NUP210: variants seen among roughly 807,000 people sequenced by gnomAD.
NUP210 encodes nuclear pore membrane glycoprotein 210.
In NUP210, 151 loss-of-function variants were observed where a neutral mutation model predicts 196.0. The ratio of observed to expected loss-of-function variants is 0.77; its 90% CI spans 0.67 to 0.88. The LOEUF (loss-of-function observed/expected upper bound fraction) is 0.88, where lower values mean the gene tolerates loss of function less well. Ranked by LOEUF, NUP210 falls within the 40% of genes least tolerant of loss-of-function variation. The probability of loss-of-function intolerance (pLI) is 0.00; values close to 1 mark genes in which losing one functional copy is unlikely to be tolerated. For missense variants in NUP210, 2,314 were observed against 2,493.7 expected, an observed-to-expected ratio of 0.93 and a Z score of 1.53; for synonymous variants, 1,070 against 1,052.7, an observed-to-expected ratio of 1.02 and a Z score of -0.32.
At chr3:13,388,271 A>G in intron 5 of NUP210, 32 bp downstream of exon 5, 1 of 1,555,700 alleles carries the variant, frequency 6.4e-7, no homozygotes, top group South Asian at 1.2e-5. Context: ...CACCCCAGGA[A>G]GCCCACTGAC....
At chr3:13,341,329 A>G (rs958714173) in intron 23 of NUP210, among the ~76,000 whole-genome samples, 2 of 152,202 alleles carry the variant, frequency 1.3e-5, no homozygotes, top group African/African-American at 2.4e-5. Context: ...AGCCCCTGTG[A>G]CAGGTGCCCA....
At chr3:13,361,028 C>T (rs1422879848) in intron 14 of NUP210, among the ~76,000 whole-genome samples, 2 of 152,190 alleles carry the variant, frequency 1.3e-5, no homozygotes, top group Admixed American at 6.5e-5. Flanking sequence ...CTGATGGTGC[C>T]GTTTGATCAC....
chr3:13,349,007 A>T (rs979973117), intron 20 of NUP210, among the ~76,000 whole-genome samples: 3 of 152,222 alleles, frequency 2.0e-5, no homozygotes, highest in Non-Finnish European at 2.9e-5. Flanking sequence ...CACATCAAAA[A>T]ACAGCCGGAG....
intron 11 of NUP210, 79 bp from the exon 12 acceptor site, chr3:13,373,952 G>A (rs986370950): frequency 2.2e-5 from 33 of 1,470,448 alleles, no homozygotes; most frequent in South Asian, 1.1e-4. Flanking sequence ...AGACACGTGC[G>A]TGTGCATGCA....
Position 13,317,528 on chromosome 3 carries a change from A to G in NUP210, c.*153T>C. 1.5e-6 allele frequency: 1 copy of G among 647,968 alleles called. No homozygotes were observed. The highest frequency in any genetic ancestry group is 2.8e-6 in the Non-Finnish European group (1 of 361,238). The allele number at this position is 647,968 out of a possible 1,614,324, so 40.1% of individuals were successfully genotyped here. On this transcript the variant is annotated 3_prime_UTR_variant, in exon 40 of 40. Coordinates refer to ENST00000254508, the MANE Select transcript of NUP210 (RefSeq NM_024923.4). ...TGAGCTAATGGGCAGAGCCGAAACT[A>G]CAGCTCTGTGTGAAGAGACGGCAGT...
At chr3:13,318,036 G>A (rs1696344421) in intron 39 of NUP210, among the ~76,000 whole-genome samples, 1 of 152,166 alleles carries the variant, frequency 6.6e-6, no homozygotes, top group South Asian at 2.1e-4. Flanking sequence ...CAAGTTTCAG[G>A]ACCACAGCAG....
chr3:13,326,503 G>A (rs1417230787), intron 32 of NUP210, among the ~76,000 whole-genome samples: 3 of 151,870 alleles, frequency 2.0e-5, no homozygotes, highest in Admixed American at 2.0e-4. Context: ...CTTAAAGGTA[G>A]TATTTCATCT....
Position 13,328,889 on chromosome 3 carries a change from T to C in NUP210, c.4168A>G (p.Lys1390Glu). The C allele has an allele frequency of 6.2e-7, 1 of 1,614,046 alleles. No homozygotes were observed. The highest frequency in any genetic ancestry group is 8.5e-7 in the Non-Finnish European group (1 of 1,179,982). Residue 1390 changes from lysine to glutamate, a missense_variant, in exon 31 of 40, where the codon AAG becomes GAG. Transcript: ENST00000254508. ...SMSPVLHTQN[K>E]EALVAVPLGM... is the part of the protein sequence containing the mutation. The stretch of plus-strand genomic sequence containing the variant: ...AAAGGCACGGCCACCAGGGCCTCCT[T>C]GTTCTGGGTGTGCAGGACAGGGCTC...
intron 1 of NUP210, among the ~76,000 whole-genome samples, chr3:13,418,010 C>G (rs1033465659): frequency 7.2e-5 from 11 of 152,234 alleles, no homozygotes; most frequent in Admixed American, 6.5e-5. Context: ...AAGGGATTCA[C>G]TTGAAGCCAG....
At chr3:13,353,231 C>T (rs1698042846) in intron 18 of NUP210, among the ~76,000 whole-genome samples, 3 of 152,160 alleles carry the variant, frequency 2.0e-5, no homozygotes, top group Non-Finnish European at 4.4e-5. Flanking sequence ...GTTACAGTCC[C>T]ACCTTCTCCT....
intron 13 of NUP210, among the ~76,000 whole-genome samples, chr3:13,366,539 A>C (rs1205682764): frequency 8.1e-6 from 1 of 124,156 alleles, no homozygotes; most frequent in Non-Finnish European, 1.6e-5. Flanking sequence ...TTTTTTTGAG[A>C]TAGAGTCTCA....
intron 16 of NUP210, among the ~76,000 whole-genome samples, chr3:13,357,662 G>A (rs1423388886): frequency 6.6e-6 from 1 of 152,134 alleles, no homozygotes; most frequent in Non-Finnish European, 1.5e-5. Context: ...ACTAAGGCAT[G>A]GATGTGTCTC....
chr3:13,371,838 G>A lies in NUP210; in HGVS notation c.1782C>T (p.Leu594=). The change falls in exon 13 of 40, where the codon CTC becomes CTT. Residue 594 remains leucine, a synonymous_variant. Transcript: ENST00000254508. ...EVENQGVFQP[L]PGRLPPGSEH... ...TGCTCAGCAGCGCTGGTTTACCTGGGAGTGGCTGGAACACACCCTGGTTCT... is the reference window on the plus strand; with the variant it reads ...TGCTCAGCAGCGCTGGTTTACCTGGAAGTGGCTGGAACACACCCTGGTTCT... 6.2e-7 allele frequency: 1 copy of A among 1,605,286 alleles called. No individual in the cohort carries two copies. Among genetic ancestry groups the A allele is most frequent in the Non-Finnish European group, 8.5e-7 (1 of 1,176,624 alleles).
At chr3:13,328,741 T>C (rs780718469) in intron 31 of NUP210, 30 bp downstream of exon 31, 32 of 1,605,782 alleles carry the variant, frequency 2.0e-5, no homozygotes, top group Non-Finnish European at 2.6e-5. Flanking sequence ...CAGGACTTCA[T>C]AGGAGAAATG....
intron 1 of NUP210, among the ~76,000 whole-genome samples, chr3:13,400,318 C>A (rs1452435194): frequency 2.0e-5 from 3 of 152,172 alleles, no homozygotes; most frequent in Admixed American, 1.3e-4. Context: ...CAGCTTCCAA[C>A]CCCAACGGGT....
chr3:13,414,532 T>C (rs1169164052), intron 1 of NUP210, among the ~76,000 whole-genome samples: 1 of 152,104 alleles, frequency 6.6e-6, no homozygotes, highest in East Asian at 1.9e-4. Context: ...CCTGGCATTC[T>C]CCTTCCTGTC....
chr3:13,327,253 C>T lies in NUP210; in HGVS notation c.4471G>A (p.Val1491Met), dbSNP rs529304171. 2.2e-5 allele frequency: 35 copies of T among 1,613,346 alleles called. No individual in the cohort carries two copies. The highest frequency in any genetic ancestry group is 2.7e-5 in the African/African-American group (2 of 75,036). The change falls in exon 32 of 40, where the codon GTG becomes ATG. Residue 1491 changes from valine (V) to methionine (M), a missense_variant. Coordinates refer to ENST00000254508, the MANE Select transcript of NUP210 (RefSeq NM_024923.4). The part of the protein sequence containing the change: ...ELSGAMVVGD[V>M]LCLATVLTSL... Reference sequence around the variant, plus strand: ...GTCAGAACAGTGGCCAGACAGAGCACGTCCCCCACCACCATGGCCCCAGAC... The same window carrying T: ...GTCAGAACAGTGGCCAGACAGAGCATGTCCCCCACCACCATGGCCCCAGAC...
rs1281408658 is a variant in NUP210 at position 13,328,758 on chromosome 3, G to A, written c.4286+13C>T. 6 of 1,612,360 alleles carry A rather than the reference G, an allele frequency of 3.7e-6. No homozygotes were observed. In the African/African-American group the frequency reaches 5.3e-5, roughly 14 times the overall value. ...GGACTTCATAGGAGAAATGACCCTT[G>A]CCCACATCCTACCTGTTAGTGGCAA... On this transcript the variant is annotated intron_variant, in intron 31 of 39. Coordinates refer to ENST00000254508, the MANE Select transcript of NUP210 (RefSeq NM_024923.4).
chr3:13,351,591 ATCC>A (rs1369126831), intron 20 of NUP210: 1 of 336,398 alleles, frequency 3.0e-6, no homozygotes, highest in Non-Finnish European at 5.5e-6. Context: ...GGCTCAAGCA[ATCC>A]TCCTGCCTCA....
Sources: gnomAD v4.1 joint callset for allele counts (sites outside exome capture counted in the v4.1 genomes callset) on GRCh38, gnomAD v4.1.1 for gene constraint, MANE v1.5 for transcripts, NCBI Gene and HGNC (gene_info 2026-07-23, HGNC 2026-07-21) for gene names.